The following LARGE1 variants were observed in gnomAD, a reference collection of about 807,000 sequenced individuals.
LARGE1 encodes the protein LARGE xylosyl- and glucuronyltransferase 1.
In LARGE1, 43 loss-of-function variants were observed where a neutral mutation model predicts 87.6. That is an observed-to-expected ratio of 0.49 (90% CI 0.38 to 0.63). The LOEUF is 0.63. Ranked by LOEUF, LARGE1 falls within the 30% of genes least tolerant of loss-of-function variation. The pLI is 0.00. For missense variants in LARGE1, 802 were observed against 1,000.2 expected (o/e 0.80, Z 2.67); for synonymous variants, 434 against 394.6 (o/e 1.10, Z -1.18).
At chr22:33,252,251 T>TTCCCC (rs1927041347) in intron 11 of LARGE1, among the ~76,000 whole-genome samples, 4 of 111,522 alleles carry the variant, frequency 3.6e-5, no homozygotes, top group East Asian at 2.9e-4. Context: ...ATTCCTTCAT[T>TTCCCC]CCCCCCCCCC....
intron 1 of LARGE1, among the ~76,000 whole-genome samples, chr22:33,874,035 T>G (rs1040854512): frequency 1.3e-5 from 2 of 151,490 alleles, no homozygotes; most frequent in Non-Finnish European, 2.9e-5. Flanking sequence ...TTTATTCTTC[T>G]CCTCCTGTCC....
the LARGE1 span, among the ~76,000 whole-genome samples, chr22:33,154,870 G>A: frequency 6.6e-6 from 1 of 152,184 alleles, no homozygotes; most frequent in African/African-American, 2.4e-5. Flanking sequence ...CCAGTGGGAG[G>A]TAATTGAATC....
intron 1 of LARGE1, among the ~76,000 whole-genome samples, chr22:33,869,368 T>C (rs2064206243): frequency 6.6e-6 from 1 of 152,128 alleles, no homozygotes; most frequent in Admixed American, 6.6e-5. Context: ...TAGACTTCTC[T>C]GTAGCAAATG....
intron 6 of LARGE1, among the ~76,000 whole-genome samples, chr22:33,482,345 A>T (rs2069365580): frequency 6.6e-6 from 1 of 151,956 alleles, no homozygotes. Flanking sequence ...CTGTTTTTGT[A>T]TTTCTCACAC....
intron 1 of LARGE1, among the ~76,000 whole-genome samples, chr22:33,773,588 T>C (rs1460677673): frequency 1.3e-5 from 2 of 152,208 alleles, no homozygotes; most frequent in Non-Finnish European, 2.9e-5. Context: ...TTGTCTCTGT[T>C]ATATAACAAG....
At chr22:33,346,895 A>T (rs1939828374) in intron 9 of LARGE1, among the ~76,000 whole-genome samples, 1 of 152,166 alleles carries the variant, frequency 6.6e-6, no homozygotes, top group South Asian at 2.1e-4. Flanking sequence ...AAAAAGTTAC[A>T]TAGGGAAGCA....
At chr22:33,089,371 C>CTTCTTCTTCTTCTCCTTCTT in the LARGE1 span, among the ~76,000 whole-genome samples, 444 of 75,926 alleles carry the variant, frequency 5.8e-3, 6 homozygotes, top group East Asian at 0.068. Flanking sequence ...TTCTTCTTCT[C>CTTCTTCTTCTTCTCCTTCTT]CTTCTTCTTC....
intron 3 of LARGE1, among the ~76,000 whole-genome samples, chr22:33,643,870 C>T (rs555549373): frequency 7.2e-4 from 109 of 152,104 alleles, no homozygotes; most frequent in African/African-American, 2.1e-3. Context: ...AGGAAGAAAT[C>T]GAATCCCTGA....
chr22:33,181,109 C>T (rs1366833601), intron 11 of LARGE1, among the ~76,000 whole-genome samples: 2 of 152,092 alleles, frequency 1.3e-5, no homozygotes, highest in Admixed American at 1.3e-4. Flanking sequence ...ACCCATGAGT[C>T]TATTCTGATG....
intron 4 of LARGE1, among the ~76,000 whole-genome samples, chr22:33,608,486 G>A (rs9621726): frequency 0.065 from 9,817 of 152,134 alleles, 395 homozygotes; most frequent in Middle Eastern, 0.12. Context: ...AAGCTCATCC[G>A]CCATCTGTAG....
At chr22:33,416,584 A>G (rs1241576653) in intron 7 of LARGE1, among the ~76,000 whole-genome samples, 1 of 151,932 alleles carries the variant, frequency 6.6e-6, no homozygotes, top group Non-Finnish European at 1.5e-5. Context: ...TGGTGGTGCA[A>G]GTAGACACCC....
At chr22:33,724,758 C>T (rs111700036) in intron 2 of LARGE1, 3,667 of 152,354 alleles carry the variant, frequency 0.024, 62 homozygotes, top group Middle Eastern at 0.041. Context: ...GTGTCTGGGA[C>T]AAGCTGGGCA....
chr22:33,316,087 G>A lies in LARGE1; in HGVS notation c.1449C>T (p.Asp483=). Residue 483 remains aspartate (D), a splice_region_variant and synonymous_variant, in exon 11 of 15, where the codon GAC becomes GAT. Coordinates refer to ENST00000397394, the MANE Select transcript of LARGE1 (RefSeq NM_133642.5). ...GTGGGTGAGGCCGTCTGCCATACCT[G>A]TCCATGGACAGCTGAGCGACCAGGG... The part of the protein sequence containing the change: ...DVTLVAQLSM[D]RLQMLEAICK... 1 of 1,613,704 alleles carries A rather than the reference G, an allele frequency of 6.2e-7. No homozygotes were observed.
intron 2 of LARGE1, among the ~76,000 whole-genome samples, chr22:33,700,924 C>T (rs1317078980): frequency 6.6e-6 from 1 of 152,132 alleles, no homozygotes; most frequent in East Asian, 1.9e-4. Context: ...AGTGGATTTC[C>T]ACATCCGTGG....
intron 1 of LARGE1, among the ~76,000 whole-genome samples, chr22:33,778,361 C>T (rs2085313437): frequency 6.6e-6 from 1 of 152,162 alleles, no homozygotes; most frequent in Non-Finnish European, 1.5e-5. Flanking sequence ...ATAACATTAA[C>T]CACTTTAACA....
At chr22:33,737,911 C>G (rs766718331) in intron 2 of LARGE1, 6 of 152,300 alleles carry the variant, frequency 3.9e-5, no homozygotes, top group Admixed American at 2.6e-4. Context: ...GGGAAAAACT[C>G]TGCACAAGCT....
chr22:33,405,771 C>T (rs146718848), intron 7 of LARGE1, among the ~76,000 whole-genome samples: 159 of 152,300 alleles, frequency 1.0e-3, no homozygotes, highest in African/African-American at 3.4e-3. Flanking sequence ...GGGCCTGGTG[C>T]AGAGTCAATG....
chr22:33,385,063 G>A (rs2065277598), intron 7 of LARGE1, among the ~76,000 whole-genome samples: 1 of 148,538 alleles, frequency 6.7e-6, no homozygotes, highest in Non-Finnish European at 1.5e-5. Context: ...GCCCATCCAC[G>A]CTGGGTCTTT....
Position 33,363,375 on chromosome 22 carries a change from T to C in LARGE1, c.1131+18544A>G, listed in dbSNP as rs921245674. ...CAATCATGGTGGAAGGTGAAAGGCA[T>C]GGCTTACATTGGCAACAGGCAAGAG... On this transcript the variant is annotated intron_variant, in intron 9 of 14. Coordinates refer to ENST00000397394, the MANE Select transcript of LARGE1 (RefSeq NM_133642.5). Among the ~76,000 whole-genome samples the C allele has an allele frequency of 2.0e-5, 3 of 149,906 alleles. 1 individual carries two copies. The highest frequency in any genetic ancestry group is 3.0e-5 in the Non-Finnish European group (2 of 67,182).
Sources: allele counts gnomAD v4.1 joint callset (sites outside exome capture counted in the v4.1 genomes callset), GRCh38; gene constraint gnomAD v4.1.1; transcripts MANE v1.5; gene names NCBI Gene and HGNC (gene_info 2026-07-23, HGNC 2026-07-21).